MMP16: variants seen among roughly 807,000 people sequenced by gnomAD.
The protein encoded by MMP16 is matrix metallopeptidase 16, also known as matrix metalloproteinase-16.
Under a neutral mutation model 67.8 loss-of-function variants are expected in MMP16, and 12 were observed. That is an observed-to-expected ratio of 0.18 (90% CI 0.11 to 0.29). The LOEUF is 0.29. Among genes scored for constraint, MMP16 ranks in the 10% least tolerant of loss-of-function variants. The pLI, the probability that MMP16 is intolerant of heterozygous loss-of-function variation, is 1.00. For missense variants in MMP16, 475 were observed against 765.7 expected (o/e 0.62, Z 4.48); for synonymous variants, 249 against 255.9 (o/e 0.97, Z 0.26).
At chr8:88,046,408 T>C (rs1020708927) in intron 9 of MMP16, among the ~76,000 whole-genome samples, 7 of 152,206 alleles carry the variant, frequency 4.6e-5, no homozygotes, top group African/African-American at 1.7e-4. Flanking sequence ...TAAAATTACC[T>C]CAAAGGTATA....
At chr8:88,100,651 C>A (rs954983383) in intron 6 of MMP16, among the ~76,000 whole-genome samples, 1 of 151,988 alleles carries the variant, frequency 6.6e-6, no homozygotes, top group Non-Finnish European at 1.5e-5. Context: ...GATTATAAAT[C>A]ATGCTGCTAT....
At chr8:88,316,763 G>C (rs1811381084) in intron 1 of MMP16, among the ~76,000 whole-genome samples, 1 of 152,126 alleles carries the variant, frequency 6.6e-6, no homozygotes, top group African/African-American at 2.4e-5. Flanking sequence ...CATTTTGTAA[G>C]GCTATAGCTG....
intron 1 of MMP16, among the ~76,000 whole-genome samples, chr8:88,289,927 A>G (rs1489936776): frequency 6.6e-6 from 1 of 152,044 alleles, no homozygotes; most frequent in Non-Finnish European, 1.5e-5. Flanking sequence ...ACCCTGCACT[A>G]CCCTGCACTG....
chr8:88,088,666 C>T (rs1301214061), intron 6 of MMP16, among the ~76,000 whole-genome samples: 2 of 152,030 alleles, frequency 1.3e-5, no homozygotes, highest in Non-Finnish European at 2.9e-5. Context: ...GAAAGCATTC[C>T]TTTCGCTGTC....
chr8:88,309,403 C>A (rs1184340757), intron 1 of MMP16, among the ~76,000 whole-genome samples: 2 of 148,104 alleles, frequency 1.4e-5, no homozygotes, highest in African/African-American at 2.5e-5. Context: ...GGAAGGAAGG[C>A]AGGGGAAGGA....
chr8:88,077,059 A>T (rs1808663266), intron 6 of MMP16, among the ~76,000 whole-genome samples: 1 of 152,188 alleles, frequency 6.6e-6, no homozygotes, highest in South Asian at 2.1e-4. Context: ...GAGAAGTAAA[A>T]GTTCTGTCTC....
At chr8:88,145,679 C>T (rs746152933) in intron 4 of MMP16, among the ~76,000 whole-genome samples, 13 of 151,878 alleles carry the variant, frequency 8.6e-5, no homozygotes, top group Non-Finnish European at 1.6e-4. Context: ...AGAAATACAA[C>T]CTCATTAGCA....
Position 88,181,942 on chromosome 8 carries a change from G to C in MMP16, c.404+4534C>G, listed in dbSNP as rs1225343391. Reference sequence around the variant, plus strand: ...TTCAACAAATGGTGTTAGAACAACTGGACATTCACAAGTAAAAGAAGTGAA... The same window carrying C: ...TTCAACAAATGGTGTTAGAACAACTCGACATTCACAAGTAAAAGAAGTGAA... On this transcript the variant is annotated intron_variant, in intron 3 of 9. Coordinates refer to ENST00000286614, the MANE Select transcript of MMP16 (RefSeq NM_005941.5). Among the ~76,000 whole-genome samples, 4 of 152,090 alleles carry C rather than the reference G, an allele frequency of 2.6e-5. No individual in the cohort carries two copies. The East Asian group carries it at 7.7e-4, about 29-fold the overall frequency.
chr8:88,196,201 C>T (rs542331665), intron 2 of MMP16, among the ~76,000 whole-genome samples: 3 of 152,120 alleles, frequency 2.0e-5, no homozygotes, highest in East Asian at 3.9e-4. Flanking sequence ...CTTGTCTTTC[C>T]TATTGTTGAA....
At chr8:88,223,169 T>C (rs543895481) in intron 1 of MMP16, among the ~76,000 whole-genome samples, 2 of 152,038 alleles carry the variant, frequency 1.3e-5, no homozygotes, top group Non-Finnish European at 2.9e-5. Context: ...GTTAGAATGG[T>C]GATCACTAAA....
chr8:88,060,785 C>T (rs1808388554), intron 7 of MMP16, among the ~76,000 whole-genome samples: 1 of 151,948 alleles, frequency 6.6e-6, no homozygotes, highest in South Asian at 2.1e-4. Flanking sequence ...CGTGTAGCAC[C>T]TCATGTATAG....
rs910744216 is a variant in MMP16, at chr8:88,058,093, T to C, written c.1223-1815A>G. On this transcript the variant is annotated intron_variant, in intron 7 of 9. Transcript: ENST00000286614. This position sits in a 1 kb window ranked among gnomAD's most constrained non-coding sequence, Gnocchi z 4.2. ...GAAGGTAATAAATATGCAAAGAATA[T>C]TGGGAAGTGCATTCAGAGCAGAGGA... Among the ~76,000 whole-genome samples, 1 of 151,958 alleles carries C rather than the reference T, an allele frequency of 6.6e-6. No homozygotes were observed. The highest frequency in any genetic ancestry group is 2.4e-5 in the African/African-American group (1 of 41,390).
At chr8:88,055,901 AC>A (rs1473980461) in intron 8 of MMP16, among the ~76,000 whole-genome samples, 3 of 152,238 alleles carry the variant, frequency 2.0e-5, no homozygotes, top group Non-Finnish European at 4.4e-5. Context: ...ATGAAAAAAA[AC>A]ATATGCTAGG....
intron 1 of MMP16, among the ~76,000 whole-genome samples, chr8:88,215,905 C>T (rs1359939560): frequency 6.6e-6 from 1 of 152,052 alleles, no homozygotes; most frequent in Non-Finnish European, 1.5e-5. Flanking sequence ...AAAAAAGCAG[C>T]AGTATAGGAT....
chr8:88,079,133 C>G (rs978386240), intron 6 of MMP16, among the ~76,000 whole-genome samples: 2 of 152,136 alleles, frequency 1.3e-5, no homozygotes. Flanking sequence ...ATATCAGCTT[C>G]CTTTCAGCTG....
chr8:88,107,505 A>G (rs2118400188), intron 6 of MMP16, among the ~76,000 whole-genome samples: 1 of 151,138 alleles, frequency 6.6e-6, no homozygotes, highest in African/African-American at 2.4e-5. Context: ...TAAGGTTTTG[A>G]ATATTTCATG....
intron 8 of MMP16, among the ~76,000 whole-genome samples, chr8:88,050,642 A>G (rs1808258213): frequency 6.6e-6 from 1 of 152,210 alleles, no homozygotes; most frequent in Non-Finnish European, 1.5e-5. Context: ...AGCATTGGGT[A>G]TCATATTATT....
chr8:88,304,474 C>G (rs141126353), intron 1 of MMP16, among the ~76,000 whole-genome samples: 2 of 152,200 alleles, frequency 1.3e-5, no homozygotes, highest in African/African-American at 4.8e-5. Context: ...AAAACAAGAT[C>G]AACCCCAAGA....
chr8:88,237,541 C>T (rs1809961569), intron 1 of MMP16, among the ~76,000 whole-genome samples: 1 of 151,602 alleles, frequency 6.6e-6, no homozygotes, highest in Non-Finnish European at 1.5e-5. Flanking sequence ...CCCAGCTACT[C>T]GGGAGGCTGA....
Sources: allele counts gnomAD v4.1 joint callset (sites outside exome capture counted in the v4.1 genomes callset), GRCh38; gene constraint gnomAD v4.1.1; non-coding constraint Gnocchi (gnomAD v3.1); transcripts MANE v1.5; gene names NCBI Gene and HGNC (gene_info 2026-07-23, HGNC 2026-07-21).